SEMA4A: variants seen among roughly 807,000 people sequenced by gnomAD.
SEMA4A encodes the protein semaphorin-4A.
In SEMA4A, 52 loss-of-function variants were observed where a neutral mutation model predicts 72.5. The observed-to-expected ratio is 0.72, with a 90% CI of 0.57 to 0.90. The LOEUF (loss-of-function observed/expected upper bound fraction) is 0.90. Ranked by LOEUF, SEMA4A falls within the 40% of genes least tolerant of loss-of-function variation. The pLI is 0.00. For missense variants in SEMA4A, 926 were observed against 959.7 expected, an observed-to-expected ratio of 0.96 and a Z score of 0.46; for synonymous variants, 369 against 393.1, an observed-to-expected ratio of 0.94 and a Z score of 0.73.
chr1:156,171,684 C>A (rs1238825350), intron 10 of SEMA4A, among the ~76,000 whole-genome samples: 1 of 152,148 alleles, frequency 6.6e-6, no homozygotes. Context: ...TCAAGTGATT[C>A]TCCTGCCTCA....
chr1:156,161,075 T>C (rs372243721), intron 8 of SEMA4A, 46 bp downstream of exon 8: 7 of 1,483,352 alleles, frequency 4.7e-6, no homozygotes, highest in Non-Finnish European at 5.5e-6. Context: ...GGAGAACCAA[T>C]AGGGAGATGG....
intron 10 of SEMA4A, among the ~76,000 whole-genome samples, chr1:156,170,494 C>A (rs1654616546): frequency 7.1e-6 from 1 of 140,178 alleles, no homozygotes; most frequent in South Asian, 2.3e-4. Context: ...AGGCCAGGCG[C>A]TTGTAATCCC....
chr1:156,158,301 C>A, intron 4 of SEMA4A, 87 bp from the exon 5 acceptor site: 1 of 1,286,216 alleles, frequency 7.8e-7, no homozygotes, highest in Non-Finnish European at 1.1e-6. Flanking sequence ...CATTACCTAG[C>A]CTTTCTCCTC....
Position 156,177,104 on chromosome 1 carries a change from T to A in SEMA4A, c.*107T>A. The stretch of plus-strand genomic sequence containing the variant: ...ACAGCAGCACAAAAGACCACCTTTC[T>A]CCCCTGAGAGGAGCTTCTGCTACTC... On this transcript the variant is annotated 3_prime_UTR_variant, in exon 15 of 15. Transcript: ENST00000368285. The A allele has an allele frequency of 1.0e-6, 1 of 970,296 alleles. No individual in the cohort carries two copies. Among genetic ancestry groups the A allele is most frequent in the Non-Finnish European group, 1.6e-6 (1 of 626,460 alleles). 60.1% of individuals were successfully genotyped at this position (970,296 alleles called of 1,614,324 possible). A position where few individuals can be genotyped will look rare whatever the true frequency, so the allele number is the denominator to read the frequency against.
rs1653285890 is a variant in SEMA4A at position 156,158,738 on chromosome 1, T to C, written c.482T>C (p.Leu161Pro). Residue 161 changes from leucine to proline, a missense_variant, in exon 6 of 15, where the codon CTG becomes CCG. Physicochemically the swap from Leu to Pro is moderately conservative, Grantham distance 98 (BLOSUM62 -3). Transcript: ENST00000368285. ...CTFIELQDSY[L>P]LPISEDKVME... ...ATTTAGGAACTTCAAGATTCCTACC[T>C]GTTGCCCATCTCGGAGGACAAGGTC... 16 of 1,614,000 alleles carry C rather than the reference T, an allele frequency of 9.9e-6. No homozygotes were observed. The highest frequency in any genetic ancestry group is 1.4e-5 in the Non-Finnish European group (16 of 1,179,932).
upstream of SEMA4A, among the ~76,000 whole-genome samples, chr1:156,148,351 C>T (rs958089201): frequency 3.3e-5 from 5 of 152,198 alleles, no homozygotes; most frequent in Non-Finnish European, 7.3e-5. Context: ...TCCCCACAGC[C>T]GAGATGCAGA....
chr1:156,166,928 C>CA lies in SEMA4A; in HGVS notation c.1134+3845dup, dbSNP rs111620474. ...TGGATGACAGAGCAAGACTTCATCT[C>CA]AAAAAAAAAAAGAAAGGAAAGAAAG... On this transcript the variant is annotated intron_variant, in intron 10 of 14. Transcript: ENST00000368285. 5.5e-3 allele frequency among the ~76,000 whole-genome samples: 806 copies of CA among 147,826 alleles called. 4 individuals carry two copies. The highest frequency in any genetic ancestry group is 0.017 in the African/African-American group (684 of 40,300).
intron 10 of SEMA4A, among the ~76,000 whole-genome samples, chr1:156,167,686 T>G (rs917016988): frequency 2.0e-5 from 3 of 152,072 alleles, no homozygotes; most frequent in Admixed American, 6.6e-5. Context: ...GATTCAGATT[T>G]GGTTTGGAGG....
intron 6 of SEMA4A, 161 bp downstream of exon 6, chr1:156,158,985 A>G (rs1441302713): frequency 1.9e-6 from 1 of 540,008 alleles, no homozygotes; most frequent in African/African-American, 2.0e-5. Flanking sequence ...AGGATGCTTG[A>G]GTTTAGGGGT....
At chr1:156,156,161 G>C (rs533930865) in intron 2 of SEMA4A, 1 of 492,764 alleles carries the variant, frequency 2.0e-6, no homozygotes, top group African/African-American at 1.9e-5. Context: ...AGCATCCACT[G>C]TGCCTCACTT....
chr1:156,154,598 G>A lies in SEMA4A; in HGVS notation c.20G>A (p.Gly7Asp), dbSNP rs145133730. Reference protein sequence around the residue: MALPALGLDPWSLLGLF... With the variant: MALPALDLDPWSLLGLF... Reference sequence around the variant, plus strand: ...CTGAGCATGGCCCTCCCAGCCCTGGGCCTGGACCCCTGGAGCCTCCTGGGC... The same window carrying A: ...CTGAGCATGGCCCTCCCAGCCCTGGACCTGGACCCCTGGAGCCTCCTGGGC... Residue 7 changes from glycine (G) to aspartate (D), a missense_variant, in exon 2 of 15, where the codon GGC (glycine) becomes GAC (aspartate). Coordinates refer to ENST00000368285, the MANE Select transcript of SEMA4A (RefSeq NM_022367.4). The A allele has an allele frequency of 1.7e-4, 273 of 1,610,832 alleles. 1 individual carries two copies. In the African/African-American group the frequency reaches 3.3e-3, roughly 19 times the overall value.
chr1:156,166,905 G>A (rs1024935016), intron 10 of SEMA4A, among the ~76,000 whole-genome samples: 3 of 151,246 alleles, frequency 2.0e-5, no homozygotes, highest in Non-Finnish European at 4.4e-5. Context: ...CTCCAGCCTG[G>A]ATGACAGAGC....
chr1:156,156,169 CTTTATT>C, intron 2 of SEMA4A: 1 of 511,622 alleles, frequency 2.0e-6, no homozygotes, highest in Non-Finnish European at 3.6e-6. Flanking sequence ...CTGTGCCTCA[CTTTATT>C]TCCCGTCCCC....
chr1:156,158,625 C>T (rs1653273248), intron 5 of SEMA4A, 94 bp from the exon 6 acceptor site: 1 of 1,312,744 alleles, frequency 7.6e-7, no homozygotes, highest in Admixed American at 1.7e-5. Context: ...AGACCAATTT[C>T]CCTCTATGTC....
chr1:156,165,912 T>TTTTC lies in SEMA4A; in HGVS notation c.1134+2821_1134+2822insCTTT, dbSNP rs1654112002. 1.4e-5 allele frequency among the ~76,000 whole-genome samples: 2 copies of TTTTC among 145,744 alleles called. 1 individual carries two copies. Among genetic ancestry groups the TTTTC allele is most frequent in the African/African-American group, 5.1e-5 (2 of 39,200 alleles). On this transcript the variant is annotated intron_variant, in intron 10 of 14. Coordinates refer to ENST00000368285, the MANE Select transcript of SEMA4A (RefSeq NM_022367.4). ...GAACTATATCTTCCTATCTTCTTTT[T>TTTTC]TTTTTTTTTTTTGAGATGGAGTCTT... is the stretch of plus-strand genomic sequence containing the variant.
chr1:156,150,619 T>A (rs915608889), upstream of SEMA4A, among the ~76,000 whole-genome samples: 1 of 151,966 alleles, frequency 6.6e-6, no homozygotes, highest in African/African-American at 2.4e-5. Flanking sequence ...CAGGAGCTGC[T>A]CCTTTAGTGC....
intron 5 of SEMA4A, 54 bp downstream of exon 5, chr1:156,158,540 AC>A: frequency 6.9e-7 from 1 of 1,449,326 alleles, no homozygotes; most frequent in Non-Finnish European, 9.7e-7. Context: ...TCTCACATCT[AC>A]CCACGACTTT....
At chr1:156,160,184 G>A (rs559458332) in intron 6 of SEMA4A, among the ~76,000 whole-genome samples, 22 of 152,208 alleles carry the variant, frequency 1.4e-4, no homozygotes, top group African/African-American at 3.9e-4. Context: ...GGTATGTGAC[G>A]AAGTAGCCAC....
intron 14 of SEMA4A, 76 bp from the exon 15 acceptor site, chr1:156,176,329 G>A: frequency 9.3e-7 from 1 of 1,075,158 alleles, no homozygotes. Flanking sequence ...GGGGTCCAAA[G>A]ATAGGTTAGA....
Sources: gnomAD v4.1 joint callset for allele counts (sites outside exome capture counted in the v4.1 genomes callset) on GRCh38, gnomAD v4.1.1 for gene constraint, MANE v1.5 for transcripts, NCBI Gene and HGNC (gene_info 2026-07-23, HGNC 2026-07-21) for gene names.